The following TRDN variants were observed in gnomAD, a reference collection of about 807,000 sequenced individuals.
The protein encoded by TRDN is triadin, also known as triadin in skeletal muscle.
TRDN carries 161 observed loss-of-function variants against 149.7 expected under a neutral mutation model. The observed-to-expected ratio is 1.08, with a 90% CI of 0.95 to 1.23. The LOEUF is 1.23. TRDN is among the 50% of genes most tolerant of loss of function. The probability of loss-of-function intolerance (pLI) is 0.00; values close to 1 mark genes in which losing one functional copy is unlikely to be tolerated. For missense variants in TRDN, 896 were observed against 823.5 expected (o/e 1.09, Z -1.08); for synonymous variants, 294 against 250.5 (o/e 1.17, Z -1.64).
At chr6:123,582,578 G>A (rs1783184540) in intron 1 of TRDN, among the ~76,000 whole-genome samples, 2 of 152,022 alleles carry the variant, frequency 1.3e-5, no homozygotes, top group Non-Finnish European at 2.9e-5. Flanking sequence ...CCAGGAGAAG[G>A]AATTTCACAA....
At chr6:123,624,235 T>A (rs2114720627) in intron 1 of TRDN, among the ~76,000 whole-genome samples, 1 of 152,200 alleles carries the variant, frequency 6.6e-6, no homozygotes, top group African/African-American at 2.4e-5. Flanking sequence ...GATAAAATAC[T>A]ATGTCTCAAA....
At chr6:123,242,166 G>T (rs1252698435) in intron 38 of TRDN, among the ~76,000 whole-genome samples, 1 of 152,108 alleles carries the variant, frequency 6.6e-6, no homozygotes, top group Non-Finnish European at 1.5e-5. Flanking sequence ...TGCCTTTTAA[G>T]AATGTATTTT....
At chr6:123,536,872 A>T (rs1276022931) in intron 4 of TRDN, among the ~76,000 whole-genome samples, 3 of 152,032 alleles carry the variant, frequency 2.0e-5, no homozygotes, top group Non-Finnish European at 4.4e-5. Context: ...CAGCAGAGTA[A>T]GACCCTGTCT....
intron 16 of TRDN, 119 bp from the exon 17 acceptor site, chr6:123,378,017 A>G (rs1221103027): frequency 6.4e-6 from 4 of 621,834 alleles, no homozygotes; most frequent in Non-Finnish European, 1.1e-5. Context: ...TGCAGCAACT[A>G]ATAATGGCTT....
intron 14 of TRDN, among the ~76,000 whole-genome samples, chr6:123,386,156 T>C (rs1781898851): frequency 6.6e-6 from 1 of 152,172 alleles, no homozygotes; most frequent in Admixed American, 6.6e-5. Context: ...CTTAAGTCAA[T>C]TAGAGTAATA....
At chr6:123,267,913 T>C (rs1777069074) in intron 31 of TRDN, among the ~76,000 whole-genome samples, 162 bp from the exon 32 acceptor site, 1 of 152,112 alleles carries the variant, frequency 6.6e-6, no homozygotes, top group Non-Finnish European at 1.5e-5. Context: ...AAAAAAATTA[T>C]AAACAGGGTT....
intron 38 of TRDN, among the ~76,000 whole-genome samples, chr6:123,228,751 T>C (rs893356912): frequency 6.6e-6 from 1 of 151,910 alleles, no homozygotes; most frequent in African/African-American, 2.4e-5. Context: ...CTAGTACCCA[T>C]GCATTATGTT....
intron 1 of TRDN, among the ~76,000 whole-genome samples, chr6:123,618,962 T>C (rs976250185): frequency 6.6e-6 from 1 of 152,138 alleles, no homozygotes; most frequent in Non-Finnish European, 1.5e-5. Context: ...ACTAAAGGAA[T>C]AAATGTGTAA....
chr6:123,477,414 G>T (rs977791117), intron 9 of TRDN, among the ~76,000 whole-genome samples: 1 of 149,634 alleles, frequency 6.7e-6, no homozygotes, highest in Non-Finnish European at 1.5e-5. Flanking sequence ...GAAACAACAG[G>T]TGCTGGGGAG....
intron 1 of TRDN, among the ~76,000 whole-genome samples, chr6:123,572,115 C>T (rs1380046323): frequency 1.3e-5 from 2 of 152,018 alleles, no homozygotes; most frequent in Non-Finnish European, 2.9e-5. Flanking sequence ...ACAATACTAT[C>T]AGTGATGTTT....
At chr6:123,475,085 C>CA (rs1436948755) in intron 9 of TRDN, among the ~76,000 whole-genome samples, 4 of 147,858 alleles carry the variant, frequency 2.7e-5, no homozygotes, top group African/African-American at 9.7e-5. Flanking sequence ...AATAGAGATA[C>CA]AAAAAACCCT....
chr6:123,570,226 TAAG>T (rs1307992722), intron 2 of TRDN, among the ~76,000 whole-genome samples: 3 of 152,158 alleles, frequency 2.0e-5, no homozygotes, highest in Non-Finnish European at 4.4e-5. Flanking sequence ...AAAAAAGTGA[TAAG>T]AATAAATTCA....
chr6:123,531,476 C>T (rs188029854), intron 4 of TRDN, among the ~76,000 whole-genome samples: 44 of 152,088 alleles, frequency 2.9e-4, no homozygotes, highest in Non-Finnish European at 5.4e-4. Context: ...TAAGATCAAC[C>T]ATGGCAACAC....
At chr6:123,584,095 G>A (rs185188590) in intron 1 of TRDN, among the ~76,000 whole-genome samples, 3,353 of 152,070 alleles carry the variant, frequency 0.022, 129 homozygotes, top group African/African-American at 0.078. Flanking sequence ...GAAATATGGG[G>A]AAATGGGGTG....
chr6:123,218,612 G>A lies in TRDN; in HGVS notation c.2179C>T (p.Gln727Ter), dbSNP rs201041981. ...TCATACATGTGTGTTTACTGTCCTTGTTGCTTCTGTCCTGGAGAATTTGCT... is the reference window on the plus strand; with the variant it reads ...TCATACATGTGTGTTTACTGTCCTTATTGCTTCTGTCCTGGAGAATTTGCT... ...GQANSPGQKQ[Q>*]GQ The change falls in exon 41 of 41, where the codon CAA (glutamine) becomes TAA (stop). Residue 727 changes from glutamine to a stop codon, truncating the protein, a stop_gained. Coordinates refer to ENST00000334268, the MANE Select transcript of TRDN (RefSeq NM_006073.4). LOFTEE classifies it high-confidence loss of function. 78 of 1,611,366 alleles carry A rather than the reference G, an allele frequency of 4.8e-5. No individual in the cohort carries two copies. The highest frequency in any genetic ancestry group is 6.4e-5 in the Non-Finnish European group (76 of 1,178,468).
intron 23 of TRDN, among the ~76,000 whole-genome samples, chr6:123,319,130 G>A (rs931373267): frequency 6.6e-6 from 1 of 152,026 alleles, no homozygotes; most frequent in Non-Finnish European, 1.5e-5. Context: ...TAAAATTGAT[G>A]TGAGAATTAG....
chr6:123,479,842 A>G (rs1050836228), intron 9 of TRDN, among the ~76,000 whole-genome samples: 2 of 152,186 alleles, frequency 1.3e-5, no homozygotes, highest in Non-Finnish European at 2.9e-5. Flanking sequence ...TTAGAATAAT[A>G]AAGAAAACAA....
intron 19 of TRDN, among the ~76,000 whole-genome samples, chr6:123,371,581 A>G (rs1275678197): frequency 6.6e-6 from 1 of 152,092 alleles, no homozygotes; most frequent in African/African-American, 2.4e-5. Context: ...CTGGTTTCCC[A>G]TTTGAAATCC....
intron 4 of TRDN, among the ~76,000 whole-genome samples, chr6:123,540,764 C>T (rs1484369595): frequency 2.0e-5 from 3 of 152,106 alleles, no homozygotes. Context: ...GTGATCTGCC[C>T]GCCTCGGCCT....
Sources: allele counts gnomAD v4.1 joint callset (sites outside exome capture counted in the v4.1 genomes callset), GRCh38; gene constraint gnomAD v4.1.1; transcripts MANE v1.5; gene names NCBI Gene and HGNC (gene_info 2026-07-23, HGNC 2026-07-21).